SMG5: variants seen among roughly 807,000 people sequenced by gnomAD.
SMG5 encodes nonsense-mediated mRNA decay factor SMG5.
A neutral mutation model predicts 122.9 loss-of-function variants in SMG5; 53 were observed. That is an observed-to-expected ratio of 0.43 (90% confidence interval 0.35 to 0.54). The LOEUF is 0.54. Ranked by LOEUF, SMG5 falls within the 20% of genes least tolerant of loss-of-function variation. The pLI is 0.01. For synonymous variants in SMG5, 477 were observed against 490.2 expected (o/e 0.97, Z 0.35); for missense variants, 1,153 against 1,285.6 (o/e 0.90, Z 1.58).
intron 12 of SMG5, among the ~76,000 whole-genome samples, chr1:156,263,871 A>C (rs1415335442): frequency 6.6e-6 from 1 of 152,190 alleles, no homozygotes; most frequent in Non-Finnish European, 1.5e-5. Flanking sequence ...ACAGCTATTC[A>C]TTCAACTAGG....
In SMG5 at chr1:156,263,557, G is replaced by T; in HGVS notation, c.1869C>A (p.Gly623=). 6.2e-7 allele frequency: 1 copy of T among 1,613,704 alleles called. No individual in the cohort carries two copies. Among genetic ancestry groups the T allele is most frequent in the Non-Finnish European group, 8.5e-7 (1 of 1,179,730 alleles). ...TGGACTCACTCCCCTCCGACTCAGA[G>T]CCCTCCTCAGAGGCTGGGGGGTGGG... ...DKPSEPASEE[G]SESEGSESSG... is the part of the protein sequence containing the mutation. Residue 623 remains glycine, a synonymous_variant, in exon 13 of 22, where the codon GGC becomes GGA. Coordinates refer to ENST00000361813, the MANE Select transcript of SMG5 (RefSeq NM_015327.3).
At chr1:156,278,868 T>C (rs1351772920) in intron 2 of SMG5, 68 bp downstream of exon 2, 3 of 1,326,706 alleles carry the variant, frequency 2.3e-6, no homozygotes, top group Non-Finnish European at 3.3e-6. Context: ...TTTATATATC[T>C]GAGAAGGTTT....
At chr1:156,271,576 T>G (rs1260842855) in intron 7 of SMG5, among the ~76,000 whole-genome samples, 1 of 143,062 alleles carries the variant, frequency 7.0e-6, no homozygotes, top group Non-Finnish European at 1.5e-5. Flanking sequence ...GTTTTTTTTT[T>G]TTTTTTTTTT....
intron 16 of SMG5, among the ~76,000 whole-genome samples, chr1:156,257,207 G>A (rs1003318723): frequency 4.6e-5 from 7 of 152,130 alleles, no homozygotes; most frequent in South Asian, 4.1e-4. Flanking sequence ...GATTATAGGC[G>A]TGAGCCACAG....
intron 7 of SMG5, among the ~76,000 whole-genome samples, chr1:156,271,032 T>C (rs1489317260): frequency 2.7e-5 from 4 of 146,812 alleles, no homozygotes; most frequent in African/African-American, 7.5e-5. Flanking sequence ...AAAAAAGAAA[T>C]GCGAAAGATA....
intron 19 of SMG5, 107 bp from the exon 20 acceptor site, chr1:156,251,584 G>A (rs978211931): frequency 6.5e-6 from 7 of 1,074,318 alleles, no homozygotes; most frequent in Non-Finnish European, 1.0e-5. Flanking sequence ...AGGCGGGGCT[G>A]GGGAACATGT....
At chr1:156,287,605 A>AC (rs1489911690), upstream of SMG5, among the ~76,000 whole-genome samples, 34 of 97,304 alleles carry the variant, frequency 3.5e-4, no homozygotes, top group Middle Eastern at 0.014. Context: ...CTTACTCTCC[A>AC]CTTTTTTTTT....
intron 14 of SMG5, 139 bp from the exon 15 acceptor site, chr1:156,260,765 A>G: frequency 1.4e-6 from 1 of 698,046 alleles, no homozygotes; most frequent in African/African-American, 1.9e-5. Context: ...GGAGAGATGG[A>G]GGGAGTGAAG....
At position 156,282,686 on chromosome 1, in the gene SMG5, C is replaced by G; in HGVS notation, c.-6G>C. On this transcript the variant is annotated 5_prime_UTR_variant, in exon 1 of 22. Coordinates refer to ENST00000361813, the MANE Select transcript of SMG5 (RefSeq NM_015327.3). Reference sequence around the variant, plus strand: ...GTGGGGGGGCCTTGGCTCATGGTGCCCGGGTCCGGGGGCAGCTCCCGGTCA... The same window carrying G: ...GTGGGGGGGCCTTGGCTCATGGTGCGCGGGTCCGGGGGCAGCTCCCGGTCA... The G allele has an allele frequency of 6.3e-7, 1 of 1,599,106 alleles. No homozygotes were observed. The highest frequency in any genetic ancestry group is 8.5e-7 in the Non-Finnish European group (1 of 1,177,662).
At chr1:156,261,863 C>G (rs1045717163) in intron 13 of SMG5, among the ~76,000 whole-genome samples, 3 of 144,138 alleles carry the variant, frequency 2.1e-5, no homozygotes, top group African/African-American at 7.8e-5. Context: ...GCACTCCAGC[C>G]TGGGCAACAA....
rs1182612285 is a variant in SMG5, at chr1:156,253,020, G to A, written c.2561C>T (p.Ser854Phe). Residue 854 changes from serine to phenylalanine, a missense_variant, in exon 18 of 22, where the codon TCT (serine) becomes TTT (phenylalanine). Transcript: ENST00000361813. ...CTGGGTGTCAGGGACGAGGTAGGGA[G>A]ACATGGCTGACTGGGCCTTGGGCTG... ...LQQPKAQSAM[S>F]PYLVPDTQAL... 1.2e-6 allele frequency: 2 copies of A among 1,613,042 alleles called. No homozygotes were observed. The highest frequency in any genetic ancestry group is 1.7e-6 in the Non-Finnish European group (2 of 1,179,750).
At chr1:156,282,533 CG>C in intron 1 of SMG5, 73 bp downstream of exon 1, 1 of 1,500,846 alleles carries the variant, frequency 6.7e-7, no homozygotes, top group African/African-American at 1.4e-5. Flanking sequence ...GGGCCCCGCC[CG>C]CCCGGGAGGC....
At chr1:156,266,803 T>TC in intron 10 of SMG5, 125 bp from the exon 11 acceptor site, 1 of 454,558 alleles carries the variant, frequency 2.2e-6, no homozygotes, top group Non-Finnish European at 3.0e-6. Flanking sequence ...CAAAGATTCT[T>TC]TTTTTTTTTT....
rs146548733 is a variant in SMG5 at position 156,250,646 on chromosome 1, C to A, written c.2992G>T (p.Ala998Ser). 1.9e-5 allele frequency: 30 copies of A among 1,613,960 alleles called. No individual in the cohort carries two copies. The highest frequency in any genetic ancestry group is 2.5e-5 in the Non-Finnish European group (29 of 1,180,014). Residue 998 changes from alanine (A) to serine (S), a missense_variant, in exon 22 of 22, where the codon GCC (alanine) becomes TCC (serine). Around this residue, in one of 5 missense-constraint regions of SMG5, gnomAD observed 84 missense variants for 82.3 expected, o/e 1.02. Transcript: ENST00000361813. Reference protein sequence around the residue: ...MQAALQAAAHASVDIKNVLDF... With the variant: ...MQAALQAAAHSSVDIKNVLDF... ...AGAACATTCTTGATGTCCACACTGGCGTGGGCAGCGGCCTGCAGGGCTGCC... is the reference window on the plus strand; with the variant it reads ...AGAACATTCTTGATGTCCACACTGGAGTGGGCAGCGGCCTGCAGGGCTGCC...
At chr1:156,278,184 A>AT in intron 2 of SMG5, 136 bp from the exon 3 acceptor site, 14 of 1,085,276 alleles carry the variant, frequency 1.3e-5, no homozygotes, top group Non-Finnish European at 1.7e-5. Flanking sequence ...CAGGGTCAAT[A>AT]TGACCCAGCA....
intron 14 of SMG5, 78 bp downstream of exon 14, chr1:156,261,255 G>T: frequency 7.2e-7 from 1 of 1,389,560 alleles, no homozygotes; most frequent in South Asian, 1.2e-5. Context: ...CAAGGGCTGG[G>T]TTATGGGGAG....
chr1:156,291,511 G>A, the SMG5 span: 4 of 1,610,986 alleles, frequency 2.5e-6, no homozygotes, highest in South Asian at 3.3e-5. Flanking sequence ...TGGAGCCGGA[G>A]CGCATGCTCA....
At chr1:156,289,223 C>T in the SMG5 span, among the ~76,000 whole-genome samples, 1 of 152,144 alleles carries the variant, frequency 6.6e-6, no homozygotes, top group African/African-American at 2.4e-5. Flanking sequence ...ACCTGTAATC[C>T]CAGCACTTTG....
At position 156,259,643 on chromosome 1, in the gene SMG5, C is replaced by T. The variant is rs537592923; in HGVS notation, c.2284-480G>A. ...CTCCTGGGCTGAAGTCATCCTCCTG[C>T]CTCGGCCCCCAAGTAGCTGGGACTA... is the stretch of plus-strand genomic sequence containing the variant. On this transcript the variant is annotated intron_variant, in intron 15 of 21. Transcript: ENST00000361813. Among the ~76,000 whole-genome samples the T allele has an allele frequency of 3.3e-5, 5 of 152,252 alleles. No individual in the cohort carries two copies. In the South Asian group the frequency reaches 1.0e-3, roughly 32 times the overall value.
Sources: gnomAD v4.1 joint callset for allele counts (sites outside exome capture counted in the v4.1 genomes callset) on GRCh38, gnomAD v4.1.1 for gene constraint, gnomAD v4.1.1 regional missense constraint, MANE v1.5 for transcripts, NCBI Gene and HGNC (gene_info 2026-07-23, HGNC 2026-07-21) for gene names.